Variants in IGSF10 observed in about 807,000 individuals in gnomAD.
The protein encoded by IGSF10 is calvaria mechanical force protein 608.
In IGSF10, 126 loss-of-function variants were observed where a neutral mutation model predicts 128.2. The ratio of observed to expected loss-of-function variants is 0.98; its 90% CI spans 0.85 to 1.14. The LOEUF (loss-of-function observed/expected upper bound fraction) is 1.14, where lower values mean the gene tolerates loss of function less well. Among genes scored for constraint, IGSF10 ranks in the 50% most tolerant of loss-of-function variants. The pLI, the probability that IGSF10 is intolerant of heterozygous loss-of-function variation, is 0.00. For missense variants in IGSF10, 3,295 were observed against 3,149.8 expected, an observed-to-expected ratio of 1.05 and a Z score of -1.10; for synonymous variants, 1,185 against 1,146.2, an observed-to-expected ratio of 1.03 and a Z score of -0.68.
chr3:151,547,743 A>G, the IGSF10 span, among the ~76,000 whole-genome samples: 1 of 152,208 alleles, frequency 6.6e-6, no homozygotes. Context: ...TATGAGAAAG[A>G]GTGCATGGGA....
At chr3:151,515,570 G>A in the IGSF10 span, among the ~76,000 whole-genome samples, 1 of 151,608 alleles carries the variant, frequency 6.6e-6, no homozygotes, top group Non-Finnish European at 1.5e-5. Flanking sequence ...GTATACATAT[G>A]TAACAAACCT....
chr3:151,578,381 C>T, the IGSF10 span, among the ~76,000 whole-genome samples: 1 of 152,146 alleles, frequency 6.6e-6, no homozygotes, highest in Non-Finnish European at 1.5e-5. Context: ...AGCCATTATG[C>T]AAATAACTAG....
the IGSF10 span, among the ~76,000 whole-genome samples, chr3:151,619,458 G>A: frequency 6.6e-6 from 1 of 151,710 alleles, no homozygotes; most frequent in Non-Finnish European, 1.5e-5. Flanking sequence ...GTGTGTGTGT[G>A]TGTGTGTGTG....
chr3:151,443,141 C>G lies in IGSF10; in HGVS notation c.5806G>C (p.Glu1936Gln). Residue 1936 changes from glutamate to glutamine, a missense_variant, in exon 7 of 8, where the codon GAG (glutamate) becomes CAG (glutamine). By Grantham distance (29) the Glu-to-Gln change is conservative. Coordinates refer to ENST00000282466, the MANE Select transcript of IGSF10 (RefSeq NM_178822.5). ...TCTATCCTGGGGCTGGTCACTCGCT[C>G]TTCCATTGTAAGCATTACTACTCTT... ...ERRVVMLTME[E>Q]RVTSPRIEAA... 1 of 1,614,238 alleles carries G rather than the reference C, an allele frequency of 6.2e-7. No homozygotes were observed. The highest frequency in any genetic ancestry group is 8.5e-7 in the Non-Finnish European group (1 of 1,180,046).
the IGSF10 span, among the ~76,000 whole-genome samples, chr3:151,547,490 C>T: frequency 2.6e-5 from 4 of 151,628 alleles, no homozygotes; most frequent in Non-Finnish European, 5.9e-5. Flanking sequence ...TGCCAATTGT[C>T]TAGGTCTTCT....
the IGSF10 span, among the ~76,000 whole-genome samples, chr3:151,482,682 C>A: frequency 6.6e-6 from 1 of 152,130 alleles, no homozygotes; most frequent in Admixed American, 6.5e-5. Flanking sequence ...GACATGCAGA[C>A]CCATTAAGAT....
the IGSF10 span, among the ~76,000 whole-genome samples, chr3:151,545,985 G>A: frequency 6.6e-6 from 1 of 151,418 alleles, no homozygotes; most frequent in Admixed American, 6.6e-5. Context: ...ATTTTTAAAG[G>A]GTTGTAAAAC....
the IGSF10 span, among the ~76,000 whole-genome samples, chr3:151,583,168 ATTAT>A: frequency 2.6e-5 from 4 of 150,952 alleles, no homozygotes; most frequent in Non-Finnish European, 5.9e-5. Flanking sequence ...TCTTTTCTTT[ATTAT>A]TTATTCTCTT....
the IGSF10 span, among the ~76,000 whole-genome samples, chr3:151,482,699 T>A: frequency 6.6e-6 from 1 of 152,156 alleles, no homozygotes; most frequent in Non-Finnish European, 1.5e-5. Flanking sequence ...AGATTATAGG[T>A]TCCAAAATAG....
chr3:151,534,789 AATTTAAAGTGT>A, the IGSF10 span, among the ~76,000 whole-genome samples: 5 of 129,114 alleles, frequency 3.9e-5, no homozygotes, highest in Admixed American at 1.7e-4. Context: ...TGTACCCCAG[AATTTAAAGTGT>A]ATGTGTGTGT....
chr3:151,475,483 A>T, the IGSF10 span, among the ~76,000 whole-genome samples: 1 of 152,146 alleles, frequency 6.6e-6, no homozygotes, highest in Non-Finnish European at 1.5e-5. Context: ...AAGATTGAAA[A>T]CCTAACTTAG....
chr3:151,587,285 G>A, the IGSF10 span, among the ~76,000 whole-genome samples: 3 of 152,094 alleles, frequency 2.0e-5, no homozygotes, highest in African/African-American at 4.8e-5. Flanking sequence ...CTAACACAGA[G>A]AATTCACCTC....
At chr3:151,529,083 C>T in the IGSF10 span, among the ~76,000 whole-genome samples, 1 of 152,082 alleles carries the variant, frequency 6.6e-6, no homozygotes, top group African/African-American at 2.4e-5. Flanking sequence ...AACAAAGCTG[C>T]CGGGAGGTTC....
rs1721367043 is a variant in IGSF10 at position 151,448,857 on chromosome 3, C to G, written c.1124G>C (p.Trp375Ser). Residue 375 changes from tryptophan to serine, a missense_variant, in exon 6 of 8, where the codon TGG becomes TCG. Physicochemically the swap from Trp to Ser is radical, Grantham distance 177 (BLOSUM62 -3). Coordinates refer to ENST00000282466, the MANE Select transcript of IGSF10 (RefSeq NM_178822.5). ...NIDYGHIQPV[W>S]QILALYSDSP... Reference sequence around the variant, plus strand: ...ATCACTGTACAAAGCCAAAATTTGCCACACTGGCTGAATGTGACCGTAATC... The same window carrying G: ...ATCACTGTACAAAGCCAAAATTTGCGACACTGGCTGAATGTGACCGTAATC... The G allele has an allele frequency of 5.6e-6, 9 of 1,613,898 alleles. No homozygotes were observed. In the East Asian group the frequency reaches 2.0e-4, roughly 36 times the overall value.
Position 151,453,730 on chromosome 3 carries a change from ATCTT to A in IGSF10, c.365_368del (p.Lys122IlefsTer9). 1 of 1,594,618 alleles carries A rather than the reference ATCTT, an allele frequency of 6.3e-7. No individual in the cohort carries two copies. The highest frequency in any genetic ancestry group is 8.6e-7 in the Non-Finnish European group (1 of 1,169,476). ...TCAAGCTCCTGAGGCCATAAAAAGT[ATCTT>A]TCTGAAGTTTTCGGACTTTATTATA... On this transcript the variant is annotated frameshift_variant, in exon 5 of 8. Coordinates refer to ENST00000282466, the MANE Select transcript of IGSF10 (RefSeq NM_178822.5). LOFTEE classifies it high-confidence loss of function.
the IGSF10 span, among the ~76,000 whole-genome samples, chr3:151,518,268 A>G: frequency 2.6e-5 from 4 of 152,012 alleles, no homozygotes; most frequent in Admixed American, 2.0e-4. Context: ...GCTATAACCA[A>G]TCTGGTTATT....
At chr3:151,609,144 G>A in the IGSF10 span, among the ~76,000 whole-genome samples, 69 of 152,232 alleles carry the variant, frequency 4.5e-4, no homozygotes, top group Non-Finnish European at 6.9e-4. Flanking sequence ...TGTAATACAT[G>A]GGGGAAAGGG....
the IGSF10 span, among the ~76,000 whole-genome samples, chr3:151,615,273 GT>G: frequency 6.6e-6 from 1 of 151,820 alleles, no homozygotes; most frequent in African/African-American, 2.4e-5. Flanking sequence ...CAAAATGATG[GT>G]GTGTTTTTTC....
Position 151,453,388 on chromosome 3 carries a change from C to T in IGSF10, c.711G>A (p.Lys237=). Residue 237 remains lysine (K), a synonymous_variant, in exon 5 of 8, where the codon AAG becomes AAA. Transcript: ENST00000282466. The part of the protein sequence containing the change: ...LKWLSDWIQE[K]PDVIKCKKDR... The stretch of plus-strand genomic sequence containing the variant: ...AAAAATAAACAATATAGATACCTGG[C>T]TTCTCCTGTATCCAGTCAGACAACC... 1.3e-6 allele frequency: 2 copies of T among 1,582,328 alleles called. No individual in the cohort carries two copies. Among genetic ancestry groups the T allele is most frequent in the South Asian group, 2.4e-5 (2 of 84,814 alleles).
Sources: allele counts gnomAD v4.1 joint callset (sites outside exome capture counted in the v4.1 genomes callset), GRCh38; gene constraint gnomAD v4.1.1; transcripts MANE v1.5; gene names NCBI Gene and HGNC (gene_info 2026-07-23, HGNC 2026-07-21).